RERE: variants seen among roughly 807,000 people sequenced by gnomAD.
RERE encodes arginine-glutamic acid dipeptide repeats protein.
RERE carries 40 observed loss-of-function variants against 146.1 expected under a neutral mutation model. The observed-to-expected ratio is 0.27, with a 90% confidence interval of 0.21 to 0.36. The LOEUF (loss-of-function observed/expected upper bound fraction) is 0.36. RERE is among the 10% of genes least tolerant of loss of function. The pLI is 1.00. For missense variants in RERE, 1,933 were observed against 2,138.7 expected, an observed-to-expected ratio of 0.90 and a Z score of 1.90; for synonymous variants, 1,003 against 866.0, an observed-to-expected ratio of 1.16 and a Z score of -2.78.
chr1:8,753,377 A>G (rs1303189067), intron 1 of RERE: 1 of 152,150 alleles, frequency 6.6e-6, no homozygotes, highest in Admixed American at 6.5e-5. Context: ...ACGTTATTTT[A>G]CAGTATTCAA....
At position 8,607,725 on chromosome 1, in the gene RERE, C is replaced by CTTTTT. The variant is rs35349056; in HGVS notation, c.522+6831_522+6835dup. Among the ~76,000 whole-genome samples, 304 of 92,908 alleles carry CTTTTT rather than the reference C, an allele frequency of 3.3e-3. 5 individuals are homozygous for CTTTTT. The highest frequency in any genetic ancestry group is 0.013 in the African/African-American group (289 of 22,070). 61.0% of individuals were successfully genotyped at this position (92,908 alleles called of 152,430 possible). A position where few individuals can be genotyped will look rare whatever the true frequency, so the allele number is the denominator to read the frequency against. On this transcript the variant is annotated intron_variant, in intron 4 of 22. Coordinates refer to ENST00000400908, the MANE Select transcript of RERE (RefSeq NM_001042681.2). ...CACAGCCACACAACACCATATCTGG[C>CTTTTT]TTTTTTTTTTTTTTTTTTGAGATGG... is the stretch of plus-strand genomic sequence containing the variant.
chr1:8,363,969 G>T (rs12118524), intron 15 of RERE, 87 bp downstream of exon 15: 15 of 1,250,514 alleles, frequency 1.2e-5, no homozygotes, highest in Non-Finnish European at 1.4e-5. Flanking sequence ...CAAGACTTTC[G>T]CTTCCTCCCC....
intron 1 of RERE, among the ~76,000 whole-genome samples, chr1:8,732,574 C>T (rs966354467): frequency 2.0e-5 from 3 of 151,898 alleles, no homozygotes; most frequent in Non-Finnish European, 2.9e-5. Flanking sequence ...GATACTGTAA[C>T]TGTGGATAAG....
At chr1:8,660,212 A>G (rs769459514) in intron 1 of RERE, among the ~76,000 whole-genome samples, 13 of 152,180 alleles carry the variant, frequency 8.5e-5, no homozygotes, top group Non-Finnish European at 1.5e-4. Flanking sequence ...CAATGGGAAT[A>G]TATTTTTTTC....
At chr1:8,758,784 T>C (rs1197862887) in intron 1 of RERE, among the ~76,000 whole-genome samples, 2 of 152,052 alleles carry the variant, frequency 1.3e-5, no homozygotes, top group South Asian at 2.1e-4. Context: ...CTTTATAATA[T>C]AGTGACTATA....
chr1:8,497,000 C>A (rs1452550805), intron 9 of RERE, among the ~76,000 whole-genome samples: 1 of 152,122 alleles, frequency 6.6e-6, no homozygotes. Context: ...AGGTTTTAAG[C>A]CCCGAATGCA....
intron 11 of RERE, among the ~76,000 whole-genome samples, chr1:8,451,325 A>T (rs1036708382): frequency 1.4e-4 from 21 of 152,282 alleles, no homozygotes; most frequent in Admixed American, 2.6e-4. Context: ...CCAGCTACTC[A>T]GGAAGCTGAG....
chr1:8,753,498 C>A (rs1640579186), intron 1 of RERE: 1 of 152,014 alleles, frequency 6.6e-6, no homozygotes, highest in Non-Finnish European at 1.5e-5. Flanking sequence ...TTCTATTTGA[C>A]GGATTTTAAA....
At chr1:8,756,986 G>T (rs1317478456) in intron 1 of RERE, among the ~76,000 whole-genome samples, 1 of 151,516 alleles carries the variant, frequency 6.6e-6, no homozygotes, top group African/African-American at 2.4e-5. Context: ...AGCTACTTGG[G>T]AGGTGAGGCA....
intron 1 of RERE, among the ~76,000 whole-genome samples, chr1:8,667,335 CAGG>C (rs1375390467): frequency 1.3e-5 from 2 of 152,162 alleles, no homozygotes; most frequent in African/African-American, 4.8e-5. Flanking sequence ...TGAGGTGCCC[CAGG>C]AGGTTTCCAA....
intron 1 of RERE, among the ~76,000 whole-genome samples, chr1:8,713,094 A>T (rs988965121): frequency 6.6e-6 from 1 of 152,242 alleles, no homozygotes; most frequent in Admixed American, 6.5e-5. Context: ...ATCTTACAAG[A>T]TACCTTTCAA....
intron 11 of RERE, among the ~76,000 whole-genome samples, chr1:8,449,821 A>C (rs1440230802): frequency 6.6e-6 from 1 of 152,248 alleles, no homozygotes; most frequent in South Asian, 2.1e-4. Context: ...CTAGAAAAAT[A>C]TAGATCACTC....
intron 1 of RERE, among the ~76,000 whole-genome samples, chr1:8,680,971 T>C (rs1230942679): frequency 1.3e-5 from 2 of 152,146 alleles, no homozygotes; most frequent in African/African-American, 2.4e-5. Context: ...CCTCTACGAA[T>C]GCTAAATACA....
chr1:8,376,318 G>T (rs1317378095), intron 12 of RERE, among the ~76,000 whole-genome samples: 6 of 152,132 alleles, frequency 3.9e-5, no homozygotes, highest in African/African-American at 1.4e-4. Context: ...GTAATAACAG[G>T]ATGCCAGCCT....
At chr1:8,759,275 A>T (rs1197227888) in intron 1 of RERE, among the ~76,000 whole-genome samples, 1 of 152,224 alleles carries the variant, frequency 6.6e-6, no homozygotes, top group African/African-American at 2.4e-5. Flanking sequence ...TTTATATGAG[A>T]AAATTACTAA....
intron 2 of RERE, among the ~76,000 whole-genome samples, chr1:8,626,098 C>T (rs1047310259): frequency 1.3e-5 from 2 of 152,316 alleles, no homozygotes; most frequent in Non-Finnish European, 1.5e-5. Context: ...ACTTAACATG[C>T]TAATCATCTT....
At chr1:8,475,925 G>C (rs902001248) in intron 10 of RERE, among the ~76,000 whole-genome samples, 1 of 152,060 alleles carries the variant, frequency 6.6e-6, no homozygotes, top group Non-Finnish European at 1.5e-5. Context: ...ATGGTCTTAC[G>C]GGAGCAAAAT....
At chr1:8,447,438 A>T (rs1243338334) in intron 11 of RERE, among the ~76,000 whole-genome samples, 2 of 151,962 alleles carry the variant, frequency 1.3e-5, no homozygotes, top group African/African-American at 2.4e-5. Context: ...GGATGTGTCT[A>T]CCTTTGGTCT....
At chr1:8,490,049 G>A (rs1644956308) in intron 10 of RERE, among the ~76,000 whole-genome samples, 2 of 122,532 alleles carry the variant, frequency 1.6e-5, no homozygotes, top group Admixed American at 1.8e-4. Flanking sequence ...GCGAGACTCT[G>A]TCTCAAAAAA....
Sources: gnomAD v4.1 joint callset for allele counts (sites outside exome capture counted in the v4.1 genomes callset) on GRCh38, gnomAD v4.1.1 for gene constraint, MANE v1.5 for transcripts, NCBI Gene and HGNC (gene_info 2026-07-23, HGNC 2026-07-21) for gene names.